Variants in HPSE2 observed in about 807,000 individuals in gnomAD.
HPSE2 encodes the protein heparanase 2 (inactive), also known as inactive heparanase-2.
Under a neutral mutation model 60.5 loss-of-function variants are expected in HPSE2, and 38 were observed. The ratio of observed to expected loss-of-function variants is 0.63; its 90% CI spans 0.48 to 0.82. HPSE2 has a LOEUF of 0.82. HPSE2 is among the 40% of genes least tolerant of loss of function. HPSE2 has a pLI of 0.00. For missense variants in HPSE2, 713 were observed against 740.4 expected (o/e 0.96, Z 0.43); for synonymous variants, 295 against 293.2 (o/e 1.01, Z -0.06).
chr10:98,584,941 G>A (rs778482574), intron 9 of HPSE2, among the ~76,000 whole-genome samples: 5 of 152,198 alleles, frequency 3.3e-5, no homozygotes, highest in Non-Finnish European at 5.9e-5. Context: ...AAAGGCTCCT[G>A]TAGTACTAAG....
intron 3 of HPSE2, among the ~76,000 whole-genome samples, chr10:99,014,738 T>C (rs1055920571): frequency 1.3e-5 from 2 of 152,220 alleles, no homozygotes; most frequent in African/African-American, 4.8e-5. Context: ...GTCGGTTGCA[T>C]GTATGTCTTC....
At chr10:98,703,370 C>A (rs576434057) in intron 5 of HPSE2, among the ~76,000 whole-genome samples, 1 of 152,160 alleles carries the variant, frequency 6.6e-6, no homozygotes, top group Non-Finnish European at 1.5e-5. Flanking sequence ...AGAGCTGGTA[C>A]CAGTCCTTCT....
chr10:98,720,334 C>A (rs1948891966), intron 5 of HPSE2, among the ~76,000 whole-genome samples: 1 of 151,664 alleles, frequency 6.6e-6, no homozygotes. Flanking sequence ...TGTTACTAAC[C>A]AAATTTGGGG....
the HPSE2 span, among the ~76,000 whole-genome samples, chr10:99,263,385 T>C: frequency 6.6e-6 from 1 of 152,158 alleles, no homozygotes; most frequent in Non-Finnish European, 1.5e-5. Flanking sequence ...ACTCTAAATA[T>C]GCCTTCCATA....
intron 3 of HPSE2, among the ~76,000 whole-genome samples, chr10:99,020,961 A>C (rs1957248960): frequency 6.6e-6 from 1 of 152,218 alleles, no homozygotes; most frequent in Non-Finnish European, 1.5e-5. Context: ...TGGTTACGAG[A>C]GTAGAGACAG....
intron 3 of HPSE2, among the ~76,000 whole-genome samples, chr10:99,119,751 T>A (rs185426313): frequency 3.6e-4 from 54 of 152,092 alleles, no homozygotes; most frequent in African/African-American, 1.3e-3. Context: ...AACAGACACA[T>A]AGACTAATGG....
chr10:98,639,616 C>T (rs896000782), intron 7 of HPSE2, among the ~76,000 whole-genome samples: 1 of 152,150 alleles, frequency 6.6e-6, no homozygotes, highest in Non-Finnish European at 1.5e-5. Context: ...TAGCTCTTTT[C>T]CTTAAGTTTC....
Position 98,908,722 on chromosome 10 carries a change from AAAGT to A in HPSE2, c.611-164670_611-164667del, listed in dbSNP as rs1250271019. On this transcript the variant is annotated intron_variant, in intron 3 of 11. Coordinates refer to ENST00000370552, the MANE Select transcript of HPSE2 (RefSeq NM_021828.5). ...AAAAAAAAAAAAAGATGGTATATGG[AAAGT>A]AATTGTGATTTGCTTAATATTCCAT... Among the ~76,000 whole-genome samples, 4 of 149,604 alleles carry A rather than the reference AAAGT, an allele frequency of 2.7e-5. No homozygotes were observed. The East Asian group carries it at 7.9e-4, about 29-fold the overall frequency.
chr10:98,945,987 A>G (rs1448733046), intron 3 of HPSE2, among the ~76,000 whole-genome samples: 1 of 152,156 alleles, frequency 6.6e-6, no homozygotes, highest in Non-Finnish European at 1.5e-5. Context: ...TCAATAAGAT[A>G]TATCAGAAAT....
intron 3 of HPSE2, among the ~76,000 whole-genome samples, chr10:99,039,362 G>C (rs1302095963): frequency 6.6e-6 from 1 of 151,942 alleles, no homozygotes; most frequent in Non-Finnish European, 1.5e-5. Flanking sequence ...TCTTGAATAC[G>C]ACACCAACCA....
chr10:98,622,235 G>T (rs1000428653), intron 7 of HPSE2, among the ~76,000 whole-genome samples: 1 of 152,054 alleles, frequency 6.6e-6, no homozygotes, highest in Non-Finnish European at 1.5e-5. Context: ...CACTGAGTGA[G>T]ATTTATGGCA....
At chr10:99,285,518 T>TGGGGTGGAGGGAGGGAGGGGAGGA in the HPSE2 span, among the ~76,000 whole-genome samples, 3 of 28,254 alleles carry the variant, frequency 1.1e-4, no homozygotes, top group Non-Finnish European at 1.9e-4. Context: ...AGGGAAGGAG[T>TGGGGTGGAGGGAGGGAGGGGAGGA]AGGGTGGAGG....
chr10:98,580,419 AC>A (rs1944762741), intron 9 of HPSE2, among the ~76,000 whole-genome samples: 1 of 151,334 alleles, frequency 6.6e-6, no homozygotes, highest in South Asian at 2.1e-4. Context: ...CCATTTTATA[AC>A]TTTTCTTTCA....
intron 9 of HPSE2, among the ~76,000 whole-genome samples, chr10:98,512,812 A>AACACACACACAGACAC (rs1554924732): frequency 8.0e-6 from 1 of 124,546 alleles, no homozygotes; most frequent in East Asian, 2.5e-4. Context: ...CCCACCCCCC[A>AACACACACACAGACAC]ACACACACAC....
At chr10:98,888,172 A>G (rs907784812) in intron 3 of HPSE2, among the ~76,000 whole-genome samples, 2 of 149,958 alleles carry the variant, frequency 1.3e-5, no homozygotes, top group Admixed American at 6.6e-5. Flanking sequence ...ACACACACAC[A>G]CATGCATGAT....
chr10:98,676,479 A>C (rs1431738450), intron 6 of HPSE2, among the ~76,000 whole-genome samples: 2 of 152,178 alleles, frequency 1.3e-5, no homozygotes, highest in Admixed American at 1.3e-4. Flanking sequence ...AATCATTACA[A>C]TTTCTTAAGG....
intron 3 of HPSE2, among the ~76,000 whole-genome samples, chr10:98,952,592 C>T (rs2135198890): frequency 6.6e-6 from 1 of 152,214 alleles, no homozygotes; most frequent in Middle Eastern, 3.4e-3. Context: ...AGGACAAAAA[C>T]ATTGTATTAG....
the HPSE2 span, among the ~76,000 whole-genome samples, chr10:99,243,588 T>C: frequency 6.6e-6 from 1 of 152,216 alleles, no homozygotes; most frequent in African/African-American, 2.4e-5. Context: ...AGTTATTACA[T>C]ATTAATCAAT....
intron 2 of HPSE2, among the ~76,000 whole-genome samples, chr10:99,179,835 G>A (rs1399337815): frequency 6.6e-6 from 1 of 151,146 alleles, no homozygotes; most frequent in Non-Finnish European, 1.5e-5. Flanking sequence ...CAAAGCTGGA[G>A]GCATCACACT....
Sources: gnomAD v4.1 joint callset for allele counts (sites outside exome capture counted in the v4.1 genomes callset) on GRCh38, gnomAD v4.1.1 for gene constraint, MANE v1.5 for transcripts, NCBI Gene and HGNC (gene_info 2026-07-23, HGNC 2026-07-21) for gene names.